The following MYO1D variants were observed in gnomAD, a reference collection of about 807,000 sequenced individuals.
The protein encoded by MYO1D is unconventional myosin-Id.
In MYO1D, 83 loss-of-function variants were observed where a neutral mutation model predicts 122.0. The ratio of observed to expected loss-of-function variants is 0.68; its 90% CI spans 0.57 to 0.82. The LOEUF (loss-of-function observed/expected upper bound fraction) is 0.82, where lower values mean the gene tolerates loss of function less well. Ranked by LOEUF, MYO1D falls within the 40% of genes least tolerant of loss-of-function variation. The probability of loss-of-function intolerance (pLI) is 0.00; values close to 1 mark genes in which losing one functional copy is unlikely to be tolerated. For synonymous variants in MYO1D, 464 were observed against 446.9 expected, an observed-to-expected ratio of 1.04 and a Z score of -0.48; for missense variants, 1,157 against 1,269.5, an observed-to-expected ratio of 0.91 and a Z score of 1.35.
chr17:32,837,721 A>G (rs969577214), intron 1 of MYO1D, among the ~76,000 whole-genome samples: 4 of 152,148 alleles, frequency 2.6e-5, no homozygotes, highest in Admixed American at 6.6e-5. Flanking sequence ...ATAATGCATC[A>G]TAATACCAAC....
intron 16 of MYO1D, among the ~76,000 whole-genome samples, chr17:32,709,868 A>C (rs920164785): frequency 6.6e-6 from 1 of 152,138 alleles, no homozygotes; most frequent in African/African-American, 2.4e-5. Context: ...ATAATAAAAA[A>C]ATTCACCCCA....
intron 16 of MYO1D, among the ~76,000 whole-genome samples, chr17:32,663,241 T>C (rs1438416563): frequency 6.6e-6 from 1 of 152,192 alleles, no homozygotes; most frequent in Non-Finnish European, 1.5e-5. Context: ...TTTTTTTGTA[T>C]GTGCAGATTT....
chr17:32,582,489 G>T (rs2087351545), intron 21 of MYO1D, among the ~76,000 whole-genome samples: 1 of 152,010 alleles, frequency 6.6e-6, no homozygotes, highest in African/African-American at 2.4e-5. Flanking sequence ...TTTTGCTGTT[G>T]ATTTCTAATT....
At chr17:32,706,782 C>T (rs973433443) in intron 16 of MYO1D, among the ~76,000 whole-genome samples, 11 of 152,084 alleles carry the variant, frequency 7.2e-5, no homozygotes, top group Non-Finnish European at 1.5e-4. Flanking sequence ...CTGCAAGCTC[C>T]GCCTCCCGGG....
chr17:32,523,562 GTC>G (rs1374543937), intron 21 of MYO1D: 4 of 152,290 alleles, frequency 2.6e-5, no homozygotes, highest in Middle Eastern at 3.4e-3. Context: ...ATTCCATTCA[GTC>G]TCATGACAAA....
rs1003878942 is a variant in MYO1D at position 32,874,887 on chromosome 17, T to TA, written c.95+1890dup. ...TTCACACTTAAGAGACTTAATGCTT[T>TA]AAAAAAAAAAGCAGAAATTCTAAGT... On this transcript the variant is annotated intron_variant, in intron 1 of 21. Transcript: ENST00000318217. 2.3e-3 allele frequency among the ~76,000 whole-genome samples: 348 copies of TA among 148,972 alleles called. 6 individuals are homozygous for TA. The highest frequency in any genetic ancestry group is 7.1e-3 in the African/African-American group (288 of 40,758).
chr17:32,808,688 G>A (rs759103242), intron 1 of MYO1D, among the ~76,000 whole-genome samples: 2 of 152,142 alleles, frequency 1.3e-5, no homozygotes, highest in Non-Finnish European at 2.9e-5. Flanking sequence ...AATGAGACTA[G>A]TGCCCTTACA....
chr17:32,744,448 T>C (rs893931372), intron 13 of MYO1D, among the ~76,000 whole-genome samples: 1 of 152,226 alleles, frequency 6.6e-6, no homozygotes, highest in Non-Finnish European at 1.5e-5. Flanking sequence ...CTGTCACCTT[T>C]ACTAGACTAT....
chr17:32,571,677 T>C (rs2087229502), intron 21 of MYO1D, among the ~76,000 whole-genome samples: 1 of 152,226 alleles, frequency 6.6e-6, no homozygotes, highest in Non-Finnish European at 1.5e-5. Context: ...CTTGGTGGTA[T>C]ATTGAAGAAA....
chr17:32,754,189 T>C (rs1384490380), intron 11 of MYO1D, among the ~76,000 whole-genome samples: 1 of 152,214 alleles, frequency 6.6e-6, no homozygotes, highest in Non-Finnish European at 1.5e-5. Flanking sequence ...TTATAAACTT[T>C]CCCTCAAAGA....
At chr17:32,788,002 G>T (rs1284015536) in intron 1 of MYO1D, among the ~76,000 whole-genome samples, 1 of 152,060 alleles carries the variant, frequency 6.6e-6, no homozygotes, top group Non-Finnish European at 1.5e-5. Context: ...TTGGTTCATG[G>T]GCATTTAGGT....
At chr17:32,543,225 C>CA (rs11410173) in intron 21 of MYO1D, among the ~76,000 whole-genome samples, 92,651 of 147,856 alleles carry the variant, frequency 0.63, 30,141 homozygotes, top group African/African-American at 0.78. Context: ...GACTCTGTCT[C>CA]AAAAAAAAAT....
chr17:32,496,910 A>C (rs1909139375), intron 21 of MYO1D: 1 of 152,270 alleles, frequency 6.6e-6, no homozygotes, highest in Non-Finnish European at 1.5e-5. Flanking sequence ...ACGTCAGCTC[A>C]AAAAAATTAA....
chr17:32,810,504 G>C (rs937668503), intron 1 of MYO1D, among the ~76,000 whole-genome samples: 1 of 149,194 alleles, frequency 6.7e-6, no homozygotes, highest in Non-Finnish European at 1.5e-5. Context: ...TTGAGACAGA[G>C]TCTCGCTCTA....
chr17:32,520,002 G>T (rs1480186948), intron 21 of MYO1D, among the ~76,000 whole-genome samples: 1 of 152,000 alleles, frequency 6.6e-6, no homozygotes, highest in Non-Finnish European at 1.5e-5. Flanking sequence ...TGGAAACCCT[G>T]AAGACTCAGG....
At chr17:32,519,968 C>T (rs1474115045) in intron 21 of MYO1D, among the ~76,000 whole-genome samples, 6 of 151,622 alleles carry the variant, frequency 4.0e-5, no homozygotes, top group South Asian at 2.1e-4. Flanking sequence ...GGGCTACCCC[C>T]GCAGCCATGT....
chr17:32,870,108 G>C (rs1014798655), intron 1 of MYO1D, among the ~76,000 whole-genome samples: 1 of 152,120 alleles, frequency 6.6e-6, no homozygotes, highest in Non-Finnish European at 1.5e-5. Flanking sequence ...ATCTGTCACG[G>C]AGTAGGAAAG....
At chr17:32,648,214 AAAAAC>A (rs975036216) in intron 19 of MYO1D, among the ~76,000 whole-genome samples, 3 of 152,036 alleles carry the variant, frequency 2.0e-5, no homozygotes, top group African/African-American at 4.8e-5. Flanking sequence ...ACTGCCTCAA[AAAAAC>A]AAAACAAAAA....
chr17:32,522,443 C>A (rs1910178125), intron 21 of MYO1D, among the ~76,000 whole-genome samples: 1 of 152,216 alleles, frequency 6.6e-6, no homozygotes, highest in African/African-American at 2.4e-5. Flanking sequence ...TAAGTTCTAG[C>A]TGCTGACTTA....
Sources: gnomAD v4.1 joint callset for allele counts (sites outside exome capture counted in the v4.1 genomes callset) on GRCh38, gnomAD v4.1.1 for gene constraint, MANE v1.5 for transcripts, NCBI Gene and HGNC (gene_info 2026-07-23, HGNC 2026-07-21) for gene names.